The following ASIP variants were observed in gnomAD, a reference collection of about 807,000 sequenced individuals.
ASIP encodes agouti signaling protein.
A neutral mutation model predicts 10.3 loss-of-function variants in ASIP; 11 were observed. The observed-to-expected ratio is 1.07, with a 90% CI of 0.68 to 1.78. The LOEUF (loss-of-function observed/expected upper bound fraction) is 1.78, where lower values mean the gene tolerates loss of function less well. Among genes scored for constraint, ASIP ranks in the 40% most tolerant of loss-of-function variants. The probability of loss-of-function intolerance (pLI) is 0.00; values close to 1 mark genes in which losing one functional copy is unlikely to be tolerated. For missense variants in ASIP, 180 were observed against 169.2 expected (o/e 1.06, Z -0.35); for synonymous variants, 70 against 70.8 (o/e 0.99, Z 0.06).
intron 1 of ASIP, among the ~76,000 whole-genome samples, chr20:34,252,611 G>A (rs2035495217): frequency 6.6e-6 from 1 of 152,140 alleles, no homozygotes. Context: ...TTCCCAGGGA[G>A]GAGCAGGAGA....
At chr20:34,226,189 G>A (rs575397292) in intron 1 of ASIP, among the ~76,000 whole-genome samples, 10 of 152,156 alleles carry the variant, frequency 6.6e-5, no homozygotes, top group African/African-American at 1.2e-4. Flanking sequence ...TGAGCCACAC[G>A]CTCAGCTGAC....
At chr20:34,255,708 G>A (rs1385532794) in intron 1 of ASIP, among the ~76,000 whole-genome samples, 1 of 152,234 alleles carries the variant, frequency 6.6e-6, no homozygotes, top group East Asian at 1.9e-4. Flanking sequence ...GACACGGTGA[G>A]CAAGTGACCA....
At chr20:34,239,834 T>A (rs2035261132), upstream of ASIP, among the ~76,000 whole-genome samples, 1 of 152,206 alleles carries the variant, frequency 6.6e-6, no homozygotes, top group East Asian at 1.9e-4. Flanking sequence ...TCTGCACCCA[T>A]CACCACGAAA....
chr20:34,244,131 T>A (rs2035331115), intron 1 of ASIP, among the ~76,000 whole-genome samples: 1 of 152,150 alleles, frequency 6.6e-6, no homozygotes, highest in East Asian at 1.9e-4. Context: ...AAACCATGGT[T>A]TTGTGGGCTC....
intron 3 of ASIP, among the ~76,000 whole-genome samples, chr20:34,267,520 T>C (rs2035807984): frequency 6.6e-6 from 1 of 151,086 alleles, no homozygotes; most frequent in African/African-American, 2.4e-5. Context: ...TAAATTTGCT[T>C]ATGGCCACTT....
intron 1 of ASIP, among the ~76,000 whole-genome samples, chr20:34,249,329 G>A (rs1167529732): frequency 7.5e-6 from 1 of 132,470 alleles, no homozygotes. Flanking sequence ...CTATCTCCTC[G>A]CCTCCACTGA....
intron 1 of ASIP, among the ~76,000 whole-genome samples, chr20:34,199,244 A>G (rs1398724904): frequency 6.6e-6 from 1 of 152,064 alleles, no homozygotes; most frequent in Non-Finnish European, 1.5e-5. Flanking sequence ...GGACACATGG[A>G]GTGTTTGCAG....
intron 1 of ASIP, among the ~76,000 whole-genome samples, chr20:34,244,159 T>C (rs972625724): frequency 6.6e-6 from 1 of 152,232 alleles, no homozygotes; most frequent in Non-Finnish European, 1.5e-5. Flanking sequence ...CTTAGAAGTG[T>C]CCGCAGCAAT....
chr20:34,252,364 CAT>C lies in ASIP; in HGVS notation c.-10-8000_-10-7999del, dbSNP rs376320745. Among the ~76,000 whole-genome samples the C allele has an allele frequency of 9.7e-4, 148 of 152,224 alleles. 3 individuals are homozygous for C. The South Asian group carries it at 0.022, about 22-fold the overall frequency. ...GGTGGGGAGAAGGTCAGCAGGGAAACATGTGAGCAAAGGAATTAGTATCATGA... is the reference window on the plus strand; with the variant it reads ...GGTGGGGAGAAGGTCAGCAGGGAAACGTGAGCAAAGGAATTAGTATCATGA... On this transcript the variant is annotated intron_variant, in intron 1 of 3. Coordinates refer to ENST00000374954, the MANE Select transcript of ASIP (RefSeq NM_001672.3).
At chr20:34,214,027 T>C (rs1447365850) in intron 1 of ASIP, 72 of 1,436,076 alleles carry the variant, frequency 5.0e-5, no homozygotes, top group Non-Finnish European at 6.4e-5. Context: ...TAAGGCTTCT[T>C]TCCTTTCTGC....
intron 1 of ASIP, chr20:34,214,361 C>T: frequency 7.6e-7 from 1 of 1,320,028 alleles, no homozygotes; most frequent in Non-Finnish European, 1.1e-6. Context: ...TTTCGAAGAA[C>T]TCCAACGTCA....
In ASIP at chr20:34,224,493, G is replaced by C. The variant is rs532038862; in HGVS notation, c.-11+29733G>C. On this transcript the variant is annotated intron_variant, in intron 1 of 3. Coordinates refer to the ASIP transcript ENST00000568305. ...CTCTAAGGCTTTTAGACGTCAAAAGGGTTTATAAGAATAATCATCATAATA... is the reference window on the plus strand; with the variant it reads ...CTCTAAGGCTTTTAGACGTCAAAAGCGTTTATAAGAATAATCATCATAATA... Among the ~76,000 whole-genome samples, 15 of 151,586 alleles carry C rather than the reference G, an allele frequency of 9.9e-5. 1 individual carries two copies. In the South Asian group the frequency reaches 1.0e-3, roughly 11 times the overall value.
chr20:34,215,425 C>T (rs535144992), intron 1 of ASIP: 3 of 1,532,728 alleles, frequency 2.0e-6, no homozygotes, highest in Non-Finnish European at 1.8e-6. Context: ...CACCACATCA[C>T]GATCCACCAA....
At chr20:34,234,502 CTCCTTCCT>C (rs145098261) in intron 1 of ASIP, among the ~76,000 whole-genome samples, 49 of 151,206 alleles carry the variant, frequency 3.2e-4, no homozygotes, top group East Asian at 1.6e-3. Context: ...CTTTTCTTTT[CTCCTTCCT>C]TCCTTCCTTC....
intron 1 of ASIP, 113 bp downstream of exon 1, chr20:34,241,602 T>C: frequency 1.1e-6 from 1 of 936,076 alleles, no homozygotes. Context: ...AAACAGATTT[T>C]TTTGATTCAC....
At chr20:34,214,977 G>A (rs543408459) in intron 1 of ASIP, 69 of 1,398,856 alleles carry the variant, frequency 4.9e-5, no homozygotes, top group African/African-American at 1.4e-4. Flanking sequence ...GTCCCATTCC[G>A]TTTACCGGCT....
chr20:34,260,234 T>A, intron 1 of ASIP, 131 bp from the exon 2 acceptor site: 2 of 866,436 alleles, frequency 2.3e-6, no homozygotes, highest in Non-Finnish European at 3.5e-6. Flanking sequence ...GCCTTGCTAA[T>A]CCTCCAGCTC....
chr20:34,268,973 C>G lies in ASIP; in HGVS notation c.223-18C>G. On this transcript the variant is annotated intron_variant, in intron 3 of 3. Coordinates refer to ENST00000374954, the MANE Select transcript of ASIP (RefSeq NM_001672.3). ...GTGGGCGTGGCCGGCTCATAAAGCC[C>G]CGGCGTTTCCCACGCAGAAGGAGGC... The G allele has an allele frequency of 6.3e-7, 1 of 1,590,510 alleles. No homozygotes were observed. Among genetic ancestry groups the G allele is most frequent in the South Asian group, 1.1e-5 (1 of 87,636 alleles).
At chr20:34,253,951 T>C (rs140437531) in intron 1 of ASIP, among the ~76,000 whole-genome samples, 137 of 152,330 alleles carry the variant, frequency 9.0e-4, no homozygotes, top group Non-Finnish European at 1.5e-3. Context: ...ATCAGAGATA[T>C]CACACATCAA....
Sources: allele counts gnomAD v4.1 joint callset (sites outside exome capture counted in the v4.1 genomes callset), GRCh38; gene constraint gnomAD v4.1.1; transcripts MANE v1.5; gene names NCBI Gene and HGNC (gene_info 2026-07-23, HGNC 2026-07-21).